Variants in CDC123 observed in about 807,000 individuals in gnomAD.
The protein encoded by CDC123 is translation initiation factor eIF2 assembly protein.
In CDC123, 37 loss-of-function variants were observed where a neutral mutation model predicts 54.4. The observed-to-expected ratio is 0.68, with a 90% confidence interval of 0.52 to 0.89. The LOEUF (loss-of-function observed/expected upper bound fraction) is 0.89. Ranked by LOEUF, CDC123 falls within the 40% of genes least tolerant of loss-of-function variation. The pLI, the probability that CDC123 is intolerant of heterozygous loss-of-function variation, is 0.00. For synonymous variants in CDC123, 144 were observed against 136.8 expected (o/e 1.05, Z -0.37); for missense variants, 361 against 412.1 (o/e 0.88, Z 1.07).
chr10:12,235,457 T>A (rs1042706202), intron 8 of CDC123, among the ~76,000 whole-genome samples: 1 of 152,254 alleles, frequency 6.6e-6, no homozygotes, highest in African/African-American at 2.4e-5. Flanking sequence ...AATAGTCTGC[T>A]TATTTCAAGC....
Position 12,242,080 on chromosome 10 carries a change from G to A in CDC123, c.717+3595G>A, listed in dbSNP as rs74118728. Among the ~76,000 whole-genome samples, 1,052 of 109,356 alleles carry A rather than the reference G, an allele frequency of 9.6e-3. 11 individuals are homozygous for A. Among genetic ancestry groups the A allele is most frequent in the African/African-American group, 0.029 (1,016 of 34,868 alleles). The allele number at this position is 109,356 out of a possible 152,430, so 71.7% of individuals were successfully genotyped here. A position where few individuals can be genotyped will look rare whatever the true frequency, so the allele number is the denominator to read the frequency against. On this transcript the variant is annotated intron_variant, in intron 10 of 12. Transcript: ENST00000281141. ...CTGTTTGGAACAGCAAGCCTTGAGA[G>A]TTACATAGCTGGCTGTATTTCAGGA...
At chr10:12,204,410 G>A (rs894067069) in intron 2 of CDC123, among the ~76,000 whole-genome samples, 1 of 152,116 alleles carries the variant, frequency 6.6e-6, no homozygotes, top group African/African-American at 2.4e-5. Flanking sequence ...TCTGAATATT[G>A]TATAAAATTA....
rs957569004 is a variant in CDC123, at chr10:12,249,136, A to G, written c.847-445A>G. Among the ~76,000 whole-genome samples the G allele has an allele frequency of 4.0e-4, 61 of 151,812 alleles. 1 individual carries two copies. Among genetic ancestry groups the G allele is most frequent in the Admixed American group, 8.5e-4 (13 of 15,240 alleles). ...GAGCGAGACTTTGCCTCAAAAAAAA[A>G]AAAAAAAATAGTTTGGCATGGGTGC... On this transcript the variant is annotated intron_variant, in intron 11 of 12. Transcript: ENST00000281141.
At chr10:12,215,685 T>C (rs544162052) in intron 4 of CDC123, 55 bp from the exon 5 acceptor site, 1 of 966,264 alleles carries the variant, frequency 1.0e-6, no homozygotes, top group Admixed American at 2.7e-5. Flanking sequence ...GATCTTGTTT[T>C]ATATATATAC....
At chr10:12,206,920 C>G (rs926424232) in intron 2 of CDC123, among the ~76,000 whole-genome samples, 5 of 144,532 alleles carry the variant, frequency 3.5e-5, no homozygotes, top group Non-Finnish European at 7.4e-5. Flanking sequence ...AATCACGCCA[C>G]TGCACTCCAG....
chr10:12,207,906 A>T (rs1328516090), intron 2 of CDC123, among the ~76,000 whole-genome samples: 1 of 152,180 alleles, frequency 6.6e-6, no homozygotes, highest in East Asian at 1.9e-4. Flanking sequence ...AGGATGTGCA[A>T]GGTAAGGAGA....
At chr10:12,196,429 G>A in intron 1 of CDC123, 110 bp downstream of exon 1, 1 of 1,411,524 alleles carries the variant, frequency 7.1e-7, no homozygotes, top group Non-Finnish European at 9.9e-7. Context: ...CTGCATGGGA[G>A]GGAGTGTGTC....
At chr10:12,234,262 T>C (rs1835946222) in intron 7 of CDC123, among the ~76,000 whole-genome samples, 1 of 152,154 alleles carries the variant, frequency 6.6e-6, no homozygotes, top group Non-Finnish European at 1.5e-5. Context: ...ACCTGGCTAA[T>C]TTTTTGTGTT....
Position 12,238,345 on chromosome 10 carries a change from A to G in CDC123, c.689-112A>G, listed in dbSNP as rs2131762244. On this transcript the variant is annotated intron_variant, in intron 9 of 12. Transcript: ENST00000281141. The stretch of plus-strand genomic sequence containing the variant: ...TGAGGTTTAGAAGCATGAAGTCCTC[A>G]GGGTCATTTATATTCTGCTGTCTTT... 7 of 1,215,202 alleles carry G rather than the reference A, an allele frequency of 5.8e-6. No homozygotes were observed. In the South Asian group the frequency reaches 8.5e-5, roughly 15 times the overall value. 75.3% of individuals were successfully genotyped at this position (1,215,202 alleles called of 1,614,324 possible). A position where few individuals can be genotyped will look rare whatever the true frequency, so the allele number is the denominator to read the frequency against.
At chr10:12,209,005 C>T (rs983460865) in intron 2 of CDC123, among the ~76,000 whole-genome samples, 1 of 152,212 alleles carries the variant, frequency 6.6e-6, no homozygotes, top group Non-Finnish European at 1.5e-5. Flanking sequence ...GTAGTTCCAT[C>T]ATCTGTGTAG....
In CDC123 at chr10:12,250,297, G is replaced by T; in HGVS notation, c.985-14G>T. On this transcript the variant is annotated splice_polypyrimidine_tract_variant and intron_variant, in intron 12 of 12. Transcript: ENST00000281141. ...CATGTGCTATTTTAACATCCCCTTG[G>T]TTTTCTTTGACAGAAGAGAAATCAG... 6.4e-7 allele frequency: 1 copy of T among 1,559,998 alleles called. No individual in the cohort carries two copies. Among genetic ancestry groups the T allele is most frequent in the Non-Finnish European group, 8.8e-7 (1 of 1,139,998 alleles).
intron 1 of CDC123, among the ~76,000 whole-genome samples, chr10:12,198,456 G>C (rs1192805492): frequency 5.3e-5 from 8 of 152,152 alleles, no homozygotes; most frequent in Admixed American, 3.9e-4. Context: ...CTTTCATACT[G>C]TGATTTCCAT....
intron 2 of CDC123, among the ~76,000 whole-genome samples, chr10:12,200,143 T>TA (rs1394203357): frequency 1.5e-5 from 2 of 136,786 alleles, no homozygotes; most frequent in African/African-American, 5.7e-5. Context: ...TTTTTTTTTT[T>TA]AAAGATGGAG....
chr10:12,200,810 C>G (rs551903093), intron 2 of CDC123, among the ~76,000 whole-genome samples: 2 of 152,098 alleles, frequency 1.3e-5, no homozygotes, highest in Non-Finnish European at 2.9e-5. Context: ...GTGGGCACCT[C>G]TGATTCCTAC....
intron 4 of CDC123, among the ~76,000 whole-genome samples, chr10:12,212,336 C>G (rs1433236575): frequency 6.6e-6 from 1 of 152,142 alleles, no homozygotes; most frequent in Non-Finnish European, 1.5e-5. Flanking sequence ...AAAAATGAGC[C>G]TGCAACAACT....
At chr10:12,211,603 C>T (rs564994114) in intron 4 of CDC123, among the ~76,000 whole-genome samples, 1 of 152,140 alleles carries the variant, frequency 6.6e-6, no homozygotes. Flanking sequence ...AACTAGATTC[C>T]GTGAGATGAA....
Position 12,209,610 on chromosome 10 carries a change from G to T in CDC123, c.147-357G>T, listed in dbSNP as rs574394796. Among the ~76,000 whole-genome samples the T allele has an allele frequency of 5.9e-5, 9 of 151,842 alleles. No individual in the cohort carries two copies. The East Asian group carries it at 1.7e-3, about 29-fold the overall frequency. ...GTGTTTTACGTTGTCACCCAGGCTG[G>T]AGTGCAGTGGCACGATCTTAACTCA... On this transcript the variant is annotated intron_variant, in intron 2 of 12. Coordinates refer to ENST00000281141, the MANE Select transcript of CDC123 (RefSeq NM_006023.3).
chr10:12,246,296 A>G lies in CDC123; in HGVS notation c.846+19A>G. 6.8e-6 allele frequency: 11 copies of G among 1,613,648 alleles called. No homozygotes were observed. The highest frequency in any genetic ancestry group is 1.3e-5 in the African/African-American group (1 of 75,050). On this transcript the variant is annotated intron_variant, in intron 11 of 12. Transcript: ENST00000281141. ...AGAGCAGGTACAACATTTTTAAGAC[A>G]GATACAATGTAAACCTTTCCAGTCT...
rs1400980786 is a variant in CDC123, at chr10:12,226,311, G to GC, written c.441-4631dup. Among the ~76,000 whole-genome samples, 3 of 151,372 alleles carry GC rather than the reference G, an allele frequency of 2.0e-5. No homozygotes were observed. The East Asian group carries it at 5.9e-4, about 30-fold the overall frequency. On this transcript the variant is annotated intron_variant, in intron 6 of 12. Coordinates refer to ENST00000281141, the MANE Select transcript of CDC123 (RefSeq NM_006023.3). ...GACGGCGTGGCGGCTGGGCAGAGGC[G>GC]CCCCCCACCTCCCTCCTGGACGGGG...
Sources: allele counts gnomAD v4.1 joint callset (sites outside exome capture counted in the v4.1 genomes callset), GRCh38; gene constraint gnomAD v4.1.1; transcripts MANE v1.5; gene names NCBI Gene and HGNC (gene_info 2026-07-23, HGNC 2026-07-21).